NIPAL2: variants seen among roughly 807,000 people sequenced by gnomAD.
NIPAL2 encodes the protein NIPA-like protein 2.
A neutral mutation model predicts 48.9 loss-of-function variants in NIPAL2; 43 were observed. The ratio of observed to expected loss-of-function variants is 0.88; its 90% CI spans 0.69 to 1.13. NIPAL2 has a LOEUF of 1.13. Ranked by LOEUF, NIPAL2 falls within the 50% of genes most tolerant of loss-of-function variation. The probability of loss-of-function intolerance (pLI) is 0.00; values close to 1 mark genes in which losing one functional copy is unlikely to be tolerated. For missense variants in NIPAL2, 446 were observed against 461.4 expected, an observed-to-expected ratio of 0.97 and a Z score of 0.31; for synonymous variants, 167 against 174.6, an observed-to-expected ratio of 0.96 and a Z score of 0.34.
At chr8:98,250,217 A>G (rs7016352) in intron 3 of NIPAL2, among the ~76,000 whole-genome samples, 67,970 of 152,086 alleles carry the variant, frequency 0.45, 16,502 homozygotes, top group Non-Finnish European at 0.56. Flanking sequence ...TTTTTTATTA[A>G]AATTCAACGG....
At chr8:98,251,155 C>G (rs1813566358) in intron 3 of NIPAL2, among the ~76,000 whole-genome samples, 1 of 151,518 alleles carries the variant, frequency 6.6e-6, no homozygotes, top group African/African-American at 2.4e-5. Context: ...ATCTAATATG[C>G]CTGGACACAT....
chr8:98,228,235 T>G lies in NIPAL2; in HGVS notation c.437-5635A>C, dbSNP rs997289298. 1.3e-5 allele frequency among the ~76,000 whole-genome samples: 2 copies of G among 152,220 alleles called. 1 individual carries two copies. Among genetic ancestry groups the G allele is most frequent in the South Asian group, 4.1e-4 (2 of 4,822 alleles). ...TTTTGGTTCTTACGAAGGTGCTTTTTTCGTGTGTAGATACTTGTAAAATTT... is the reference window on the plus strand; with the variant it reads ...TTTTGGTTCTTACGAAGGTGCTTTTGTCGTGTGTAGATACTTGTAAAATTT... On this transcript the variant is annotated intron_variant, in intron 4 of 10. Coordinates refer to ENST00000430223, the MANE Select transcript of NIPAL2 (RefSeq NM_001321635.2).
At chr8:98,214,763 G>A (rs1188519087) in intron 5 of NIPAL2, among the ~76,000 whole-genome samples, 2 of 152,074 alleles carry the variant, frequency 1.3e-5, no homozygotes, top group African/African-American at 2.4e-5. Flanking sequence ...ATCTAATATG[G>A]AAGATGAACT....
chr8:98,191,991 G>A lies in NIPAL2; in HGVS notation c.*987C>T, dbSNP rs963354624. On this transcript the variant is annotated 3_prime_UTR_variant, in exon 11 of 11. Transcript: ENST00000430223. ...GGTAATGACTTTGGGAAGAAATGATGTGTAGTGAAACTATCACTAAGAATT... is the reference window on the plus strand; with the variant it reads ...GGTAATGACTTTGGGAAGAAATGATATGTAGTGAAACTATCACTAAGAATT... 6.6e-6 allele frequency: 1 copy of A among 152,190 alleles called. No homozygotes were observed. The highest frequency in any genetic ancestry group is 2.4e-5 in the African/African-American group (1 of 41,444). 9.4% of individuals were successfully genotyped at this position (152,190 alleles called of 1,614,324 possible).
At chr8:98,193,585 G>A (rs1227052813) in intron 10 of NIPAL2, among the ~76,000 whole-genome samples, 1 of 152,144 alleles carries the variant, frequency 6.6e-6, no homozygotes, top group Non-Finnish European at 1.5e-5. Flanking sequence ...TTGGGAGGCC[G>A]AGGCAGGCGA....
chr8:98,243,899 A>T (rs1341593444), intron 3 of NIPAL2, among the ~76,000 whole-genome samples: 5 of 152,276 alleles, frequency 3.3e-5, no homozygotes, highest in Admixed American at 1.3e-4. Context: ...TAAAATAATA[A>T]TTTTTTATTA....
chr8:98,218,110 AT>A lies in NIPAL2; in HGVS notation c.558+4368del, dbSNP rs1811663624. On this transcript the variant is annotated intron_variant, in intron 5 of 10. Coordinates refer to ENST00000430223, the MANE Select transcript of NIPAL2 (RefSeq NM_001321635.2). The stretch of plus-strand genomic sequence containing the variant: ...TTAAAGCAATACAAGATAGATCATC[AT>A]TAAACAATGCTGTTTATTCCAGGAA... 2.0e-5 allele frequency among the ~76,000 whole-genome samples: 3 copies of A among 152,264 alleles called. No individual in the cohort carries two copies. In the South Asian group the frequency reaches 6.2e-4, roughly 31 times the overall value.
chr8:98,292,000 T>G (rs953468089), intron 1 of NIPAL2, among the ~76,000 whole-genome samples: 2 of 152,248 alleles, frequency 1.3e-5, no homozygotes, highest in African/African-American at 4.8e-5. Context: ...TTGATCAGAT[T>G]TGATGATAAT....
intron 1 of NIPAL2, among the ~76,000 whole-genome samples, chr8:98,282,975 C>T (rs1649898612): frequency 1.3e-5 from 2 of 152,196 alleles, no homozygotes; most frequent in South Asian, 4.1e-4. Flanking sequence ...AGCTGTACAA[C>T]ACCAGATCCA....
intron 1 of NIPAL2, among the ~76,000 whole-genome samples, chr8:98,265,237 T>G (rs1330229016): frequency 1.3e-5 from 2 of 151,558 alleles, no homozygotes; most frequent in African/African-American, 2.4e-5. Context: ...ACTTCAGGTC[T>G]AAAACACCAA....
intron 1 of NIPAL2, among the ~76,000 whole-genome samples, chr8:98,263,012 C>T (rs1327275159): frequency 1.3e-5 from 2 of 149,310 alleles, no homozygotes; most frequent in Admixed American, 1.3e-4. Context: ...ACTGAACAAC[C>T]TGCTCCTGAA....
At chr8:98,293,931 G>T in intron 1 of NIPAL2, 72 bp downstream of exon 1, 7 of 1,306,248 alleles carry the variant, frequency 5.4e-6, no homozygotes, top group Non-Finnish European at 6.9e-6. Context: ...CGGCCGAGGC[G>T]CAGAGGCGCC....
At chr8:98,281,855 C>T (rs2130903511) in intron 1 of NIPAL2, among the ~76,000 whole-genome samples, 1 of 152,328 alleles carries the variant, frequency 6.6e-6, no homozygotes, top group Non-Finnish European at 1.5e-5. Context: ...TAACATAACA[C>T]AATTTATTCT....
At chr8:98,282,534 G>A (rs745537341) in intron 1 of NIPAL2, among the ~76,000 whole-genome samples, 2 of 152,106 alleles carry the variant, frequency 1.3e-5, no homozygotes, top group East Asian at 1.9e-4. Flanking sequence ...CCAGCTGGGC[G>A]TGGTGGCACG....
intron 1 of NIPAL2, 29 bp from the exon 2 acceptor site, chr8:98,254,116 A>G: frequency 6.4e-7 from 1 of 1,556,024 alleles, no homozygotes; most frequent in Non-Finnish European, 8.8e-7. Context: ...TCCTTAAATA[A>G]TACTTGTAAG....
intron 1 of NIPAL2, among the ~76,000 whole-genome samples, chr8:98,261,410 A>G (rs1239268879): frequency 7.0e-6 from 1 of 142,342 alleles, no homozygotes; most frequent in African/African-American, 2.7e-5. Flanking sequence ...TAACTAGAAT[A>G]ACCAATACAG....
intron 6 of NIPAL2, among the ~76,000 whole-genome samples, chr8:98,211,415 C>A (rs1250826221): frequency 6.6e-6 from 1 of 152,100 alleles, no homozygotes; most frequent in Non-Finnish European, 1.5e-5. Flanking sequence ...CTATAGCATA[C>A]CTGAATATAG....
intron 3 of NIPAL2, among the ~76,000 whole-genome samples, chr8:98,244,587 A>AGGGTGGGCTGTGGTGATGAGC (rs1813197966): frequency 9.0e-5 from 1 of 11,144 alleles, no homozygotes; most frequent in Non-Finnish European, 1.6e-4. Flanking sequence ...TGGTGATGAG[A>AGGGTGGGCTGTGGTGATGAGC]GGGTGGGCTG....
intron 6 of NIPAL2, among the ~76,000 whole-genome samples, chr8:98,212,076 A>T (rs1811347647): frequency 6.6e-6 from 1 of 152,206 alleles, no homozygotes; most frequent in Non-Finnish European, 1.5e-5. Flanking sequence ...CTGACACAAG[A>T]GTTTTAATTG....
Sources: gnomAD v4.1 joint callset for allele counts (sites outside exome capture counted in the v4.1 genomes callset) on GRCh38, gnomAD v4.1.1 for gene constraint, MANE v1.5 for transcripts, NCBI Gene and HGNC (gene_info 2026-07-23, HGNC 2026-07-21) for gene names.